PHF2: variants seen among roughly 807,000 people sequenced by gnomAD.
PHF2 encodes lysine-specific demethylase PHF2.
In PHF2, 27 loss-of-function variants were observed where a neutral mutation model predicts 120.5. The ratio of observed to expected loss-of-function variants is 0.22; its 90% CI spans 0.17 to 0.31. The LOEUF (loss-of-function observed/expected upper bound fraction) is 0.31. Among genes scored for constraint, PHF2 ranks in the 10% least tolerant of loss-of-function variants. PHF2 has a pLI of 1.00. For synonymous variants in PHF2, 568 were observed against 592.5 expected, an observed-to-expected ratio of 0.96 and a Z score of 0.60; for missense variants, 1,024 against 1,434.8, an observed-to-expected ratio of 0.71 and a Z score of 4.63.
intron 9 of PHF2, among the ~76,000 whole-genome samples, chr9:93,657,088 G>A (rs564285957): frequency 7.4e-4 from 112 of 152,252 alleles, no homozygotes; most frequent in Non-Finnish European, 1.3e-3. Context: ...TCTGTCCCAG[G>A]TCCTGCCTGG....
At chr9:93,586,811 A>G (rs1489940501) in intron 1 of PHF2, among the ~76,000 whole-genome samples, 2 of 152,192 alleles carry the variant, frequency 1.3e-5, no homozygotes, top group Non-Finnish European at 2.9e-5. Flanking sequence ...AGCAGTGAGG[A>G]AGACTGCACG....
At chr9:93,588,778 C>G (rs1863113823) in intron 1 of PHF2, among the ~76,000 whole-genome samples, 1 of 152,144 alleles carries the variant, frequency 6.6e-6, no homozygotes, top group Admixed American at 6.5e-5. Flanking sequence ...GTAATCCTAG[C>G]TACTTGGGAG....
rs558264422 is a variant in PHF2 at position 93,645,920 on chromosome 9, C to T, written c.460+131C>T. 7.8e-6 allele frequency: 8 copies of T among 1,023,632 alleles called. No homozygotes were observed. The African/African-American group carries it at 9.8e-5, about 13-fold the overall frequency. 63.4% of individuals were successfully genotyped at this position (1,023,632 alleles called of 1,614,324 possible). On this transcript the variant is annotated intron_variant, in intron 4 of 21. Transcript: ENST00000359246. Reference sequence around the variant, plus strand: ...CCGTGAGCAGTGGAGCCTCAAGGCTCACCGTACTCTGTTCCCGGTGCTCTT... The same window carrying T: ...CCGTGAGCAGTGGAGCCTCAAGGCTTACCGTACTCTGTTCCCGGTGCTCTT...
intron 1 of PHF2, among the ~76,000 whole-genome samples, chr9:93,593,823 C>G (rs1825280200): frequency 6.6e-6 from 1 of 152,176 alleles, no homozygotes; most frequent in Non-Finnish European, 1.5e-5. Context: ...TGGTGTCAAC[C>G]AATTAAAATG....
intron 9 of PHF2, among the ~76,000 whole-genome samples, chr9:93,657,437 T>C (rs1279312652): frequency 6.6e-6 from 1 of 152,152 alleles, no homozygotes; most frequent in Non-Finnish European, 1.5e-5. Context: ...AGTCTAACCC[T>C]GCCCTCAGGG....
At chr9:93,582,344 A>G (rs573345188) in intron 1 of PHF2, among the ~76,000 whole-genome samples, 5 of 152,320 alleles carry the variant, frequency 3.3e-5, no homozygotes, top group African/African-American at 9.6e-5. Flanking sequence ...ACGGACGGAA[A>G]TGTAGTCACA....
chr9:93,645,914 A>C, intron 4 of PHF2, 125 bp downstream of exon 4: 3 of 1,081,840 alleles, frequency 2.8e-6, no homozygotes, highest in Non-Finnish European at 3.8e-6. Flanking sequence ...GTGGAGCCTC[A>C]AGGCTCACCG....
At chr9:93,654,655 T>C in intron 7 of PHF2, 80 bp downstream of exon 7, 1 of 1,365,560 alleles carries the variant, frequency 7.3e-7, no homozygotes, top group African/African-American at 1.4e-5. Context: ...CCTTGGACCG[T>C]GTCCCCACCA....
intron 1 of PHF2, among the ~76,000 whole-genome samples, chr9:93,599,818 C>T (rs1008450507): frequency 6.6e-6 from 1 of 152,240 alleles, no homozygotes. Context: ...GATGCCCAGC[C>T]ACGCTCCCAG....
At chr9:93,632,626 A>C (rs951690724) in intron 2 of PHF2, among the ~76,000 whole-genome samples, 4 of 152,136 alleles carry the variant, frequency 2.6e-5, no homozygotes, top group African/African-American at 9.7e-5. Context: ...TTATAAGGAC[A>C]CTAATCCCAT....
chr9:93,656,376 T>C lies in PHF2; in HGVS notation c.1041-113T>C. On this transcript the variant is annotated intron_variant, in intron 8 of 21. Transcript: ENST00000359246. This position sits in a 1 kb window ranked among gnomAD's most constrained non-coding sequence, Gnocchi z 4.1. ...CAGTTTTCCCCTGGTCCTCCTCAGC[T>C]ATGCAGGGCCCAGTGGGGAGGCCTG... is the stretch of plus-strand genomic sequence containing the variant. 1 of 766,338 alleles carries C rather than the reference T, an allele frequency of 1.3e-6. No homozygotes were observed. Among genetic ancestry groups the C allele is most frequent in the East Asian group, 2.5e-5 (1 of 40,424 alleles). 47.5% of individuals were successfully genotyped at this position (766,338 alleles called of 1,614,324 possible).
intron 5 of PHF2, among the ~76,000 whole-genome samples, chr9:93,652,108 G>A (rs1826378660): frequency 6.6e-6 from 1 of 152,134 alleles, no homozygotes; most frequent in Admixed American, 6.5e-5. Context: ...CTTGTGATTT[G>A]TGACAGTCTT....
At chr9:93,617,790 C>G (rs1383141352) in intron 1 of PHF2, among the ~76,000 whole-genome samples, 1 of 152,194 alleles carries the variant, frequency 6.6e-6, no homozygotes, top group African/African-American at 2.4e-5. Flanking sequence ...AAGGATCCAG[C>G]ACGGGAGAAA....
At chr9:93,623,356 T>C (rs1472929553) in intron 1 of PHF2, among the ~76,000 whole-genome samples, 1 of 152,200 alleles carries the variant, frequency 6.6e-6, no homozygotes, top group Non-Finnish European at 1.5e-5. Context: ...TGGCTGATAC[T>C]TGGTGTCACT....
At chr9:93,629,364 A>G (rs1174314637) in intron 1 of PHF2, among the ~76,000 whole-genome samples, 2 of 152,170 alleles carry the variant, frequency 1.3e-5, no homozygotes, top group East Asian at 3.9e-4. Context: ...CCATCTGCAT[A>G]GGAGGTGGCT....
chr9:93,660,128 G>A (rs533249893), intron 11 of PHF2, 64 bp from the exon 12 acceptor site: 6 of 1,461,284 alleles, frequency 4.1e-6, no homozygotes, highest in South Asian at 1.5e-5. Context: ...ATCCTGGTGT[G>A]TGGACCGTCT....
At chr9:93,583,731 C>T (rs1459931402) in intron 1 of PHF2, among the ~76,000 whole-genome samples, 1 of 151,994 alleles carries the variant, frequency 6.6e-6, no homozygotes, top group Non-Finnish European at 1.5e-5. Flanking sequence ...TACTCAAGGC[C>T]TTTGCCCACT....
chr9:93,592,725 A>G (rs925853906), intron 1 of PHF2, among the ~76,000 whole-genome samples: 1 of 152,150 alleles, frequency 6.6e-6, no homozygotes, highest in Non-Finnish European at 1.5e-5. Flanking sequence ...CCGGTGAGCC[A>G]GGTTGTGTCC....
chr9:93,673,033 G>A (rs1826837124), intron 17 of PHF2, among the ~76,000 whole-genome samples: 1 of 151,830 alleles, frequency 6.6e-6, no homozygotes, highest in Non-Finnish European at 1.5e-5. Context: ...GGGGTGTGGA[G>A]AGAAGTTGCA....
Sources: gnomAD v4.1 joint callset for allele counts (sites outside exome capture counted in the v4.1 genomes callset) on GRCh38, gnomAD v4.1.1 for gene constraint, Gnocchi (gnomAD v3.1) non-coding constraint, MANE v1.5 for transcripts, NCBI Gene and HGNC (gene_info 2026-07-23, HGNC 2026-07-21) for gene names.